ST6GALNAC3: variants seen among roughly 807,000 people sequenced by gnomAD.
The protein encoded by ST6GALNAC3 is ST6 N-acetylgalactosaminide alpha-2,6-sialyltransferase 3.
Under a neutral mutation model 32.7 loss-of-function variants are expected in ST6GALNAC3, and 25 were observed. The observed-to-expected ratio is 0.76, with a 90% CI of 0.56 to 1.07. The LOEUF is 1.07. Among genes scored for constraint, ST6GALNAC3 ranks in the 50% least tolerant of loss-of-function variants. The pLI, the probability that ST6GALNAC3 is intolerant of heterozygous loss-of-function variation, is 0.00. For missense variants in ST6GALNAC3, 355 were observed against 382.4 expected (o/e 0.93, Z 0.60); for synonymous variants, 129 against 133.1 (o/e 0.97, Z 0.21).
chr1:76,581,958 G>A lies in ST6GALNAC3; in HGVS notation c.624-45494G>A, dbSNP rs542839653. On this transcript the variant is annotated intron_variant, in intron 3 of 4. Coordinates refer to ENST00000328299, the MANE Select transcript of ST6GALNAC3 (RefSeq NM_152996.4). ...GTCAGCTCTGACAGTTTCTTCTTGT[G>A]TCTAATGTGCTTGCCTTGTTACTAT... Among the ~76,000 whole-genome samples, 5 of 152,236 alleles carry A rather than the reference G, an allele frequency of 3.3e-5. No individual in the cohort carries two copies. In the East Asian group the frequency reaches 9.6e-4, roughly 29 times the overall value.
At chr1:76,158,458 C>G (rs1163430583) in intron 1 of ST6GALNAC3, among the ~76,000 whole-genome samples, 1 of 152,184 alleles carries the variant, frequency 6.6e-6, no homozygotes, top group Non-Finnish European at 1.5e-5. Flanking sequence ...GGTCATAACA[C>G]CTGCAGCCAC....
intron 3 of ST6GALNAC3, among the ~76,000 whole-genome samples, chr1:76,598,962 C>T (rs991024336): frequency 3.9e-5 from 6 of 152,028 alleles, no homozygotes; most frequent in African/African-American, 9.7e-5. Context: ...GAGAAAATAA[C>T]GATGAAACTT....
chr1:76,287,736 C>T (rs1300672269), intron 1 of ST6GALNAC3, among the ~76,000 whole-genome samples: 1 of 152,174 alleles, frequency 6.6e-6, no homozygotes. Flanking sequence ...AAAAGTTAGT[C>T]CATTGGGTGT....
intron 1 of ST6GALNAC3, among the ~76,000 whole-genome samples, chr1:76,256,735 T>TTC (rs1344204079): frequency 6.6e-6 from 1 of 151,878 alleles, no homozygotes; most frequent in East Asian, 1.9e-4. Context: ...AAAATGACTT[T>TTC]TTTTTTTTTT....
chr1:76,442,577 G>A (rs1205089040), intron 3 of ST6GALNAC3, among the ~76,000 whole-genome samples: 1 of 152,000 alleles, frequency 6.6e-6, no homozygotes, highest in African/African-American at 2.4e-5. Flanking sequence ...AAAGTATTAG[G>A]TACTTCTTTT....
chr1:76,634,346 GT>G lies in ST6GALNAC3; in HGVS notation c.*5543del. The G allele has an allele frequency of 1.1e-5, 2 of 175,660 alleles. No individual in the cohort carries two copies. Among genetic ancestry groups the G allele is most frequent in the Non-Finnish European group, 2.2e-5 (2 of 89,616 alleles). 10.9% of individuals were successfully genotyped at this position (175,660 alleles called of 1,614,324 possible). On this transcript the variant is annotated 3_prime_UTR_variant, in exon 5 of 5. Coordinates refer to ENST00000328299, the MANE Select transcript of ST6GALNAC3 (RefSeq NM_152996.4). Reference sequence around the variant, plus strand: ...ATCTACAAAGTACTAATTTCCTTGTGTTTAGCTTTGTTGTCACTGTTACTGA... The same window carrying G: ...ATCTACAAAGTACTAATTTCCTTGTGTTAGCTTTGTTGTCACTGTTACTGA...
chr1:76,351,913 A>C (rs553752760), intron 2 of ST6GALNAC3, among the ~76,000 whole-genome samples: 2 of 152,260 alleles, frequency 1.3e-5, no homozygotes, highest in African/African-American at 2.4e-5. Context: ...TGGGATGTGA[A>C]AATTCATGTT....
chr1:76,131,135 T>C (rs1649582460), intron 1 of ST6GALNAC3, among the ~76,000 whole-genome samples: 1 of 152,244 alleles, frequency 6.6e-6, no homozygotes, highest in African/African-American at 2.4e-5. Flanking sequence ...CTGTAACTTC[T>C]ATTTAACCTT....
chr1:76,349,306 A>G (rs1648785418), intron 2 of ST6GALNAC3, among the ~76,000 whole-genome samples: 1 of 152,168 alleles, frequency 6.6e-6, no homozygotes, highest in South Asian at 2.1e-4. Flanking sequence ...GTCTAGGGGA[A>G]TAAATTGGCG....
intron 1 of ST6GALNAC3, among the ~76,000 whole-genome samples, chr1:76,102,677 C>G (rs176531): frequency 6.6e-6 from 1 of 152,080 alleles, no homozygotes; most frequent in Non-Finnish European, 1.5e-5. Context: ...CTCTTGACTT[C>G]TGTGTCATTG....
chr1:76,113,294 G>A lies in ST6GALNAC3; in HGVS notation c.18+38410G>A, dbSNP rs1245267645. On this transcript the variant is annotated intron_variant, in intron 1 of 4. Transcript: ENST00000328299. ...AGTGAGCCGAGATGGCAGCAGTACA[G>A]TCCAGCTTCCGCTCGGCATCAGAGG... Among the ~76,000 whole-genome samples, 18 of 145,516 alleles carry A rather than the reference G, an allele frequency of 1.2e-4. No individual in the cohort carries two copies. The Admixed American group carries it at 1.2e-3, about 10-fold the overall frequency.
chr1:76,630,995 G>A lies in ST6GALNAC3; in HGVS notation c.*2189G>A. ...TAATTTATTTAGTTTTCTAATAAAT[G>A]AAGGGCCAACTCTTATTTGTTCTAG... On this transcript the variant is annotated 3_prime_UTR_variant, in exon 5 of 5. Transcript: ENST00000328299. 1.0e-6 allele frequency: 1 copy of A among 985,588 alleles called. No homozygotes were observed. The highest frequency in any genetic ancestry group is 1.2e-6 in the Non-Finnish European group (1 of 829,846). 61.1% of individuals were successfully genotyped at this position (985,588 alleles called of 1,614,324 possible). A position where few individuals can be genotyped will look rare whatever the true frequency, so the allele number is the denominator to read the frequency against.
intron 1 of ST6GALNAC3, among the ~76,000 whole-genome samples, chr1:76,228,172 A>C (rs1570505810): frequency 1.3e-5 from 2 of 152,302 alleles, no homozygotes; most frequent in South Asian, 4.1e-4. Context: ...AGACCATTAC[A>C]CAGAAGTTTG....
intron 3 of ST6GALNAC3, among the ~76,000 whole-genome samples, chr1:76,426,408 G>A (rs1165092706): frequency 6.6e-6 from 1 of 151,582 alleles, no homozygotes; most frequent in Non-Finnish European, 1.5e-5. Flanking sequence ...CACCAATATC[G>A]CTGTCTTCCA....
chr1:76,425,135 A>T (rs1234513834), intron 3 of ST6GALNAC3, among the ~76,000 whole-genome samples: 1 of 151,980 alleles, frequency 6.6e-6, no homozygotes, highest in African/African-American at 2.4e-5. Context: ...TGGAGAAGTT[A>T]ATTTTGTTGT....
At chr1:76,440,698 A>T (rs1656514062) in intron 3 of ST6GALNAC3, among the ~76,000 whole-genome samples, 1 of 152,218 alleles carries the variant, frequency 6.6e-6, no homozygotes, top group Non-Finnish European at 1.5e-5. Flanking sequence ...GGAAATTTTA[A>T]ACTTGTTTTT....
chr1:76,596,964 CACTA>C (rs1406937482), intron 3 of ST6GALNAC3, among the ~76,000 whole-genome samples: 1 of 152,162 alleles, frequency 6.6e-6, no homozygotes, highest in South Asian at 2.1e-4. Context: ...TTTCCCTTCT[CACTA>C]ACTACTGCTG....
chr1:76,630,514 C>A lies in ST6GALNAC3; in HGVS notation c.*1708C>A. The A allele has an allele frequency of 1.0e-6, 1 of 985,204 alleles. No homozygotes were observed. The highest frequency in any genetic ancestry group is 4.7e-5 in the South Asian group (1 of 21,284). The allele number at this position is 985,204 out of a possible 1,614,324, so 61.0% of individuals were successfully genotyped here. A position where few individuals can be genotyped will look rare whatever the true frequency, so the allele number is the denominator to read the frequency against. ...AGAGTAGCTGAGAATTCAAAAACATCCTTGCAGAATGATTCAAAAGACAAA... is the reference window on the plus strand; with the variant it reads ...AGAGTAGCTGAGAATTCAAAAACATACTTGCAGAATGATTCAAAAGACAAA... On this transcript the variant is annotated 3_prime_UTR_variant, in exon 5 of 5. Transcript: ENST00000328299.
At chr1:76,235,455 C>T (rs1386939727) in intron 1 of ST6GALNAC3, among the ~76,000 whole-genome samples, 4 of 151,990 alleles carry the variant, frequency 2.6e-5, no homozygotes, top group African/African-American at 9.6e-5. Context: ...TGCAGTGATC[C>T]ATGATGGTGC....
Sources: allele counts gnomAD v4.1 joint callset (sites outside exome capture counted in the v4.1 genomes callset), GRCh38; gene constraint gnomAD v4.1.1; transcripts MANE v1.5; gene names NCBI Gene and HGNC (gene_info 2026-07-23, HGNC 2026-07-21).